The following CPEB1 variants were observed in gnomAD, a reference collection of about 807,000 sequenced individuals.
CPEB1 encodes cytoplasmic polyadenylation element-binding protein 1.
CPEB1 carries 7 observed loss-of-function variants against 65.8 expected under a neutral mutation model. That is an observed-to-expected ratio of 0.11 (90% confidence interval 0.06 to 0.20). CPEB1 has a LOEUF of 0.20. Among genes scored for constraint, CPEB1 ranks in the 10% least tolerant of loss-of-function variants. The probability of loss-of-function intolerance (pLI) is 1.00; values close to 1 mark genes in which losing one functional copy is unlikely to be tolerated. For synonymous variants in CPEB1, 262 were observed against 260.0 expected (o/e 1.01, Z -0.08); for missense variants, 551 against 712.2 (o/e 0.77, Z 2.58).
chr15:82,620,526 G>A (rs924686700), intron 3 of CPEB1, among the ~76,000 whole-genome samples: 1 of 152,094 alleles, frequency 6.6e-6, no homozygotes, highest in Admixed American at 6.5e-5. Flanking sequence ...AACTGGGTGT[G>A]GTGGCTCATG....
At chr15:82,546,965 C>T (rs1259289950) in intron 11 of CPEB1, among the ~76,000 whole-genome samples, 178 bp downstream of exon 11, 1 of 152,150 alleles carries the variant, frequency 6.6e-6, no homozygotes, top group Admixed American at 6.5e-5. Context: ...TCCTCCTGGG[C>T]GTACAAAGAC....
intron 1 of CPEB1, among the ~76,000 whole-genome samples, chr15:82,644,473 G>A (rs755998166): frequency 5.9e-5 from 9 of 152,184 alleles, no homozygotes; most frequent in Non-Finnish European, 8.8e-5. Flanking sequence ...GATGTTTTAA[G>A]ACAGATTCCA....
intron 2 of CPEB1, among the ~76,000 whole-genome samples, chr15:82,627,677 A>G (rs2045887438): frequency 6.6e-6 from 1 of 152,164 alleles, no homozygotes. Flanking sequence ...CAGGTTTATG[A>G]TTAGGATTGC....
At chr15:82,553,606 A>G (rs1384895726) in intron 7 of CPEB1, 50 bp from the exon 8 acceptor site, 2 of 1,347,108 alleles carry the variant, frequency 1.5e-6, no homozygotes, top group African/African-American at 1.4e-5. Flanking sequence ...CATCTTTCCC[A>G]GTAAAGACAC....
At chr15:82,576,222 C>T (rs1192265653) in intron 3 of CPEB1, among the ~76,000 whole-genome samples, 1 of 152,140 alleles carries the variant, frequency 6.6e-6, no homozygotes, top group Non-Finnish European at 1.5e-5. Context: ...TATAATTCCA[C>T]TTATTTGAAT....
chr15:82,559,263 C>CA (rs2037782937), intron 4 of CPEB1, among the ~76,000 whole-genome samples: 1 of 152,154 alleles, frequency 6.6e-6, no homozygotes, highest in Non-Finnish European at 1.5e-5. Flanking sequence ...CACAAGATCC[C>CA]AAACATCTGT....
chr15:82,566,800 T>TA (rs1477743525), intron 4 of CPEB1, among the ~76,000 whole-genome samples: 2 of 152,114 alleles, frequency 1.3e-5, no homozygotes, highest in Non-Finnish European at 2.9e-5. Flanking sequence ...CTTTCCCAAA[T>TA]AGACTACTTG....
At chr15:82,630,047 G>A in intron 1 of CPEB1, 1 of 985,384 alleles carries the variant, frequency 1.0e-6, no homozygotes, top group Non-Finnish European at 1.2e-6. Context: ...CACAACTGTA[G>A]ATTTCTAAGC....
chr15:82,597,460 T>C (rs1324586447), intron 3 of CPEB1, among the ~76,000 whole-genome samples: 2 of 152,162 alleles, frequency 1.3e-5, no homozygotes, highest in Admixed American at 1.3e-4. Context: ...GGGAAGCATA[T>C]TACAGAAGCG....
chr15:82,586,793 G>A (rs920757256), intron 3 of CPEB1, among the ~76,000 whole-genome samples: 6 of 152,194 alleles, frequency 3.9e-5, no homozygotes, highest in Non-Finnish European at 8.8e-5. Context: ...AATTGCACAG[G>A]TGTGAATTCA....
Position 82,584,903 on chromosome 15 carries a change from C to CTTTTTTTTTTTTTTTTTTTTTTTTTT in CPEB1, c.272-13372_272-13371insAAAAAAAAAAAAAAAAAAAAAAAAAA, listed in dbSNP as rs3080692. Among the ~76,000 whole-genome samples, 25 of 81,740 alleles carry CTTTTTTTTTTTTTTTTTTTTTTTTTT rather than the reference C, an allele frequency of 3.1e-4. 3 individuals are homozygous for CTTTTTTTTTTTTTTTTTTTTTTTTTT. Among genetic ancestry groups the CTTTTTTTTTTTTTTTTTTTTTTTTTT allele is most frequent in the African/African-American group, 3.6e-4 (6 of 16,872 alleles). The allele number at this position is 81,740 out of a possible 152,430, so 53.6% of individuals were successfully genotyped here. On this transcript the variant is annotated intron_variant, in intron 3 of 12. Coordinates refer to ENST00000684509, the MANE Select transcript of CPEB1 (RefSeq NM_001365242.1). ...GACATAATTTTTTTTTCCTAATTTG[C>CTTTTTTTTTTTTTTTTTTTTTTTTTT]TTTTTTTTTTTTTTTTTTTACAGTG...
chr15:82,553,512 C>G lies in CPEB1; in HGVS notation c.1099G>C (p.Glu367Gln), dbSNP rs2036635422. ...TGCTTGCCATCCTTACCAGGCCACT[C>G]CACACTCAAAGAGCCAAAAACACGG... ...TFRVFGSLSV[E>Q]WPGKDGKHPR... Residue 367 changes from glutamate (E) to glutamine (Q), a missense_variant, in exon 8 of 13, where the codon GAG (glutamate) becomes CAG (glutamine). Coordinates refer to ENST00000684509, the MANE Select transcript of CPEB1 (RefSeq NM_001365242.1). The G allele has an allele frequency of 1.2e-6, 2 of 1,613,830 alleles. No individual in the cohort carries two copies. Among genetic ancestry groups the G allele is most frequent in the Non-Finnish European group, 1.7e-6 (2 of 1,179,880 alleles).
At chr15:82,634,177 A>G (rs2046473499) in intron 1 of CPEB1, among the ~76,000 whole-genome samples, 2 of 125,422 alleles carry the variant, frequency 1.6e-5, no homozygotes, top group South Asian at 5.2e-4. Flanking sequence ...GTTTTAGCAT[A>G]TAACTGGTTT....
At chr15:82,614,040 C>A (rs1291494405) in intron 3 of CPEB1, among the ~76,000 whole-genome samples, 1 of 152,056 alleles carries the variant, frequency 6.6e-6, no homozygotes, top group Non-Finnish European at 1.5e-5. Flanking sequence ...GAGAGACACA[C>A]ACCCTGGGTG....
chr15:82,553,775 C>T (rs1242157393), intron 7 of CPEB1, 103 bp downstream of exon 7: 3 of 865,864 alleles, frequency 3.5e-6, no homozygotes, highest in Non-Finnish European at 5.8e-6. Context: ...ATACCCTGAG[C>T]TCAGGCAGGG....
chr15:82,636,207 T>A (rs985019092), intron 1 of CPEB1, among the ~76,000 whole-genome samples: 3 of 152,178 alleles, frequency 2.0e-5, no homozygotes, highest in Admixed American at 2.0e-4. Context: ...TGAAAATATA[T>A]GATCTTTATT....
chr15:82,573,370 C>G (rs1326554524), intron 3 of CPEB1, among the ~76,000 whole-genome samples: 1 of 142,012 alleles, frequency 7.0e-6, no homozygotes, highest in African/African-American at 2.7e-5. Flanking sequence ...CAAAAATCAC[C>G]CATACTGGTG....
intron 3 of CPEB1, among the ~76,000 whole-genome samples, chr15:82,598,809 C>T (rs950170388): frequency 6.6e-6 from 1 of 151,906 alleles, no homozygotes; most frequent in African/African-American, 2.4e-5. Flanking sequence ...ACAAAAAAAC[C>T]AAAGGCCATT....
At chr15:82,578,760 A>C (rs761398961) in intron 3 of CPEB1, among the ~76,000 whole-genome samples, 4 of 152,164 alleles carry the variant, frequency 2.6e-5, no homozygotes, top group Admixed American at 6.5e-5. Flanking sequence ...CTGTCTCAAA[A>C]AAACAAACAA....
Sources: gnomAD v4.1 joint callset for allele counts (sites outside exome capture counted in the v4.1 genomes callset) on GRCh38, gnomAD v4.1.1 for gene constraint, MANE v1.5 for transcripts, NCBI Gene and HGNC (gene_info 2026-07-23, HGNC 2026-07-21) for gene names.